MMP20: variants seen among roughly 807,000 people sequenced by gnomAD.
MMP20 encodes the protein matrix metalloproteinase-20.
A neutral mutation model predicts 51.8 loss-of-function variants in MMP20; 50 were observed. The ratio of observed to expected loss-of-function variants is 0.97; its 90% CI spans 0.77 to 1.22. The LOEUF is 1.22. MMP20 is among the 50% of genes most tolerant of loss of function. MMP20 has a pLI of 0.00. For missense variants in MMP20, 663 were observed against 601.4 expected, an observed-to-expected ratio of 1.10 and a Z score of -1.07; for synonymous variants, 244 against 216.2, an observed-to-expected ratio of 1.13 and a Z score of -1.13.
chr11:102,620,697 T>C (rs1055446822), intron 1 of MMP20, among the ~76,000 whole-genome samples: 2 of 152,192 alleles, frequency 1.3e-5, no homozygotes, highest in Admixed American at 1.3e-4. Flanking sequence ...TAAAACTCAG[T>C]TTAAGTACGC....
At chr11:102,621,177 A>T (rs1401689322) in intron 1 of MMP20, among the ~76,000 whole-genome samples, 2 of 152,180 alleles carry the variant, frequency 1.3e-5, no homozygotes, top group Non-Finnish European at 2.9e-5. Context: ...CAGGGCAATT[A>T]TACCTTTTAC....
At chr11:102,623,517 C>T (rs1234734499) in intron 1 of MMP20, among the ~76,000 whole-genome samples, 3 of 152,212 alleles carry the variant, frequency 2.0e-5, no homozygotes, top group Non-Finnish European at 4.4e-5. Flanking sequence ...ACCATCACCC[C>T]TCCAGCCTCC....
chr11:102,595,208 T>G (rs762045285), intron 6 of MMP20, among the ~76,000 whole-genome samples: 17 of 152,104 alleles, frequency 1.1e-4, no homozygotes, highest in Non-Finnish European at 2.2e-4. Flanking sequence ...ATTACAGACA[T>G]GAATGACCAT....
At chr11:102,608,493 T>C (rs1008450837) in intron 5 of MMP20, among the ~76,000 whole-genome samples, 1 of 152,228 alleles carries the variant, frequency 6.6e-6, no homozygotes, top group African/African-American at 2.4e-5. Flanking sequence ...GGTGTAAGAC[T>C]ACACACATGA....
intron 2 of MMP20, among the ~76,000 whole-genome samples, chr11:102,614,038 A>G (rs1859636533): frequency 6.6e-6 from 1 of 152,350 alleles, no homozygotes; most frequent in Non-Finnish European, 1.5e-5. Flanking sequence ...TGATAAAGCA[A>G]TAGTAATACT....
chr11:102,611,363 T>C (rs370167589), intron 3 of MMP20, among the ~76,000 whole-genome samples: 9 of 152,320 alleles, frequency 5.9e-5, no homozygotes, highest in African/African-American at 2.2e-4. Context: ...GGTATTTGCT[T>C]CAGTGAGGAT....
At position 102,611,794 on chromosome 11, in the gene MMP20, A is replaced by T; in HGVS notation, c.484T>A (p.Ser162Thr). Residue 162 changes from serine to threonine, a missense_variant, in exon 3 of 10, where the codon TCA becomes ACA. By Grantham distance (58) the Ser-to-Thr change is moderately conservative. Coordinates refer to ENST00000260228, the MANE Select transcript of MMP20 (RefSeq NM_004771.4). ...GATATCATAATATCCGCTTCTCCTG[A>T]GTTTATTCTGACAAAGCTCAGAGGG... ...AVPLSFVRIN[S>T]GEADIMISFE... The T allele has an allele frequency of 1.2e-6, 2 of 1,614,198 alleles. No homozygotes were observed. Among genetic ancestry groups the T allele is most frequent in the Middle Eastern group, 1.6e-4 (1 of 6,062 alleles).
At chr11:102,595,929 T>C (rs1302169833) in intron 6 of MMP20, among the ~76,000 whole-genome samples, 3 of 152,248 alleles carry the variant, frequency 2.0e-5, no homozygotes, top group African/African-American at 7.2e-5. Context: ...ATTTTGACAT[T>C]GAACTTTCCT....
At chr11:102,615,712 T>C (rs1859660921) in intron 2 of MMP20, among the ~76,000 whole-genome samples, 1 of 152,152 alleles carries the variant, frequency 6.6e-6, no homozygotes, top group African/African-American at 2.4e-5. Flanking sequence ...ACTAGGCACT[T>C]GTGGTGGGAA....
At chr11:102,618,757 A>G (rs1210751859) in intron 1 of MMP20, among the ~76,000 whole-genome samples, 1 of 152,254 alleles carries the variant, frequency 6.6e-6, no homozygotes, top group Non-Finnish European at 1.5e-5. Context: ...GGGTAATGAA[A>G]TTACAGATGA....
intron 6 of MMP20, among the ~76,000 whole-genome samples, chr11:102,599,296 A>C (rs1394128630): frequency 6.6e-6 from 1 of 152,168 alleles, no homozygotes; most frequent in Non-Finnish European, 1.5e-5. Context: ...CTGGGATTAC[A>C]GGCATGAGCC....
intron 1 of MMP20, among the ~76,000 whole-genome samples, chr11:102,619,790 A>G (rs1443446080): frequency 6.8e-6 from 1 of 148,090 alleles, no homozygotes; most frequent in Non-Finnish European, 1.5e-5. Flanking sequence ...TTTTTTTTTT[A>G]CTATGAACCT....
chr11:102,618,767 A>C (rs1292475957), intron 1 of MMP20, among the ~76,000 whole-genome samples: 1 of 152,208 alleles, frequency 6.6e-6, no homozygotes, highest in East Asian at 1.9e-4. Flanking sequence ...ATTACAGATG[A>C]CTTAATTTAT....
rs78364773 is a variant in MMP20, at chr11:102,590,179, A to C, written c.1247+3260T>G. Among the ~76,000 whole-genome samples the C allele has an allele frequency of 5.0e-3, 758 of 152,316 alleles. 34 individuals carry two copies. In the East Asian group the frequency reaches 0.089, roughly 18 times the overall value. On this transcript the variant is annotated intron_variant, in intron 8 of 9. Coordinates refer to ENST00000260228, the MANE Select transcript of MMP20 (RefSeq NM_004771.4). ...GCTCTGCTACTGGTAGGCAAGGAAG[A>C]ATATGTAAAAGGAGAAATCAGCCAT...
intron 1 of MMP20, among the ~76,000 whole-genome samples, chr11:102,617,573 T>C (rs929150626): frequency 1.3e-5 from 2 of 152,196 alleles, no homozygotes; most frequent in Non-Finnish European, 2.9e-5. Context: ...CTCTCACACT[T>C]TACAAAGGCA....
At chr11:102,602,074 C>G (rs1242793228) in intron 6 of MMP20, among the ~76,000 whole-genome samples, 4 of 149,042 alleles carry the variant, frequency 2.7e-5, no homozygotes, top group African/African-American at 4.9e-5. Flanking sequence ...CTCAGCCTCC[C>G]GAGTAGCTGG....
At chr11:102,593,928 G>A (rs913112744) in intron 7 of MMP20, among the ~76,000 whole-genome samples, 3 of 152,188 alleles carry the variant, frequency 2.0e-5, no homozygotes, top group Non-Finnish European at 4.4e-5. Context: ...CAAGTGACAT[G>A]CAAATGTCAT....
chr11:102,576,956 T>G lies in MMP20; in HGVS notation c.*370A>C, dbSNP rs1859132899. On this transcript the variant is annotated 3_prime_UTR_variant, in exon 10 of 10. Transcript: ENST00000260228. Reference sequence around the variant, plus strand: ...TTATAATTCATACTGTAATGACATTTCCTATGAAAAGAATTACAATATATG... The same window carrying G: ...TTATAATTCATACTGTAATGACATTGCCTATGAAAAGAATTACAATATATG... 1 of 214,100 alleles carries G rather than the reference T, an allele frequency of 4.7e-6. No homozygotes were observed. Among genetic ancestry groups the G allele is most frequent in the Non-Finnish European group, 9.5e-6 (1 of 105,012 alleles). 13.3% of individuals were successfully genotyped at this position (214,100 alleles called of 1,614,324 possible).
At chr11:102,609,854 C>A (rs753884345) in intron 4 of MMP20, 51 bp downstream of exon 4, 1 of 1,612,840 alleles carries the variant, frequency 6.2e-7, no homozygotes, top group Non-Finnish European at 8.5e-7. Flanking sequence ...ATGATGGAGC[C>A]CAGAAGAAGG....
Sources: gnomAD v4.1 joint callset for allele counts (sites outside exome capture counted in the v4.1 genomes callset) on GRCh38, gnomAD v4.1.1 for gene constraint, MANE v1.5 for transcripts, NCBI Gene and HGNC (gene_info 2026-07-23, HGNC 2026-07-21) for gene names.